The following ARHGEF18 variants were observed in gnomAD, a reference collection of about 807,000 sequenced individuals.
The protein encoded by ARHGEF18 is rho guanine nucleotide exchange factor 18.
Under a neutral mutation model 155.7 loss-of-function variants are expected in ARHGEF18, and 93 were observed. The observed-to-expected ratio is 0.60, with a 90% confidence interval of 0.50 to 0.71. The LOEUF (loss-of-function observed/expected upper bound fraction) is 0.71. ARHGEF18 is among the 30% of genes least tolerant of loss of function. The pLI, the probability that ARHGEF18 is intolerant of heterozygous loss-of-function variation, is 0.00. For synonymous variants in ARHGEF18, 742 were observed against 753.1 expected (o/e 0.99, Z 0.24); for missense variants, 1,593 against 1,816.1 (o/e 0.88, Z 2.23).
intron 10 of ARHGEF18, among the ~76,000 whole-genome samples, chr19:7,405,585 C>T (rs1972261867): frequency 6.6e-6 from 1 of 152,130 alleles, no homozygotes; most frequent in Admixed American, 6.6e-5. Flanking sequence ...CTATTTCTAG[C>T]GATTTGTAAA....
At chr19:7,449,692 T>A (rs1456039685) in intron 15 of ARHGEF18, among the ~76,000 whole-genome samples, 1 of 152,050 alleles carries the variant, frequency 6.6e-6, no homozygotes, top group Non-Finnish European at 1.5e-5. Flanking sequence ...TTTTATTTTT[T>A]TAGAGTCAGG....
chr19:7,356,305 C>T (rs1235218831), intron 1 of ARHGEF18, among the ~76,000 whole-genome samples: 50 of 136,192 alleles, frequency 3.7e-4, no homozygotes, highest in South Asian at 4.3e-4. Context: ...GAGTCTCATT[C>T]GGTCGCCGAG....
chr19:7,438,419 T>A (rs1414529501), intron 10 of ARHGEF18, among the ~76,000 whole-genome samples: 2 of 150,032 alleles, frequency 1.3e-5, no homozygotes, highest in Non-Finnish European at 3.0e-5. Context: ...TTTTTTTTTT[T>A]TTTATTTTTG....
At chr19:7,381,633 A>G (rs138949567) in intron 8 of ARHGEF18, among the ~76,000 whole-genome samples, 11,997 of 151,896 alleles carry the variant, frequency 0.079, 738 homozygotes, top group African/African-American at 0.17. Context: ...AGCCAAGATC[A>G]CGCCCTTGCA....
chr19:7,378,479 G>T, intron 6 of ARHGEF18, 28 bp downstream of exon 6: 1 of 1,233,620 alleles, frequency 8.1e-7, no homozygotes, highest in Non-Finnish European at 1.0e-6. Flanking sequence ...GGTGGGGGAG[G>T]GACCCCCAGG....
intron 1 of ARHGEF18, among the ~76,000 whole-genome samples, chr19:7,358,687 A>T (rs1969425286): frequency 6.6e-6 from 1 of 152,182 alleles, no homozygotes; most frequent in Non-Finnish European, 1.5e-5. Context: ...TTGAATTCAG[A>T]AACATCTGAA....
chr19:7,431,739 A>G (rs529435272), intron 10 of ARHGEF18, among the ~76,000 whole-genome samples: 23 of 152,060 alleles, frequency 1.5e-4, no homozygotes, highest in African/African-American at 4.3e-4. Context: ...GCTTGAACCC[A>G]GGAGGCGGAG....
rs1159186670 is a variant in ARHGEF18 at position 7,457,353 on chromosome 19, C to CTTTTTTTTTTTTTT, written c.2181+964_2181+977dup. Among the ~76,000 whole-genome samples the CTTTTTTTTTTTTTT allele has an allele frequency of 1.0e-4, 6 of 60,216 alleles. 1 individual carries two copies. The highest frequency in any genetic ancestry group is 4.9e-4 in the African/African-American group (6 of 12,320). 39.5% of individuals were successfully genotyped at this position (60,216 alleles called of 152,430 possible). On this transcript the variant is annotated intron_variant, in intron 18 of 28. Coordinates refer to ENST00000668164, the MANE Select transcript of ARHGEF18 (RefSeq NM_001367823.1). ...ATCTCATTTTGCCATAATCACCTCTCTTTTTTTTTTTTTTTTTTTTTTTTT... is the reference window on the plus strand; with the variant it reads ...ATCTCATTTTGCCATAATCACCTCTCTTTTTTTTTTTTTTTTTTTTTTTTTTTTTTTTTTTTTTT...
intron 1 of ARHGEF18, among the ~76,000 whole-genome samples, chr19:7,353,087 C>T (rs1356195567): frequency 1.3e-5 from 2 of 151,744 alleles, no homozygotes; most frequent in South Asian, 2.1e-4. Flanking sequence ...TTGCCCACCT[C>T]GGCTTCCCAA....
intron 1 of ARHGEF18, among the ~76,000 whole-genome samples, 162 bp from the exon 2 acceptor site, chr19:7,362,619 C>T (rs1049189153): frequency 5.9e-5 from 9 of 152,156 alleles, no homozygotes; most frequent in Non-Finnish European, 8.8e-5. Flanking sequence ...CGTATGTTGG[C>T]TTCAAGATCA....
chr19:7,380,551 G>T (rs1383668109), intron 7 of ARHGEF18, among the ~76,000 whole-genome samples: 1 of 151,946 alleles, frequency 6.6e-6, no homozygotes, highest in African/African-American at 2.4e-5. Context: ...AGGCATGGTG[G>T]CACATGCCTA....
At position 7,459,861 on chromosome 19, in the gene ARHGEF18, G is replaced by A. The variant is rs1976088014; in HGVS notation, c.2361-42G>A. The A allele has an allele frequency of 1.4e-5, 22 of 1,528,056 alleles. No individual in the cohort carries two copies. In the East Asian group the frequency reaches 5.4e-4, roughly 38 times the overall value. 94.7% of individuals were successfully genotyped at this position (1,528,056 alleles called of 1,614,324 possible). A position where few individuals can be genotyped will look rare whatever the true frequency, so the allele number is the denominator to read the frequency against. On this transcript the variant is annotated intron_variant, in intron 19 of 28. Coordinates refer to ENST00000668164, the MANE Select transcript of ARHGEF18 (RefSeq NM_001367823.1). ...CCAGCGTCTGTGCCGAGGCTGGCCT[G>A]CCTGGGAAGCACAGTTACCCACCCG...
At chr19:7,351,392 C>T (rs931773152) in intron 1 of ARHGEF18, among the ~76,000 whole-genome samples, 4 of 151,912 alleles carry the variant, frequency 2.6e-5, no homozygotes, top group Admixed American at 6.6e-5. Flanking sequence ...GGCACGATCT[C>T]GGCTCACTGC....
chr19:7,417,599 A>G (rs896827546), intron 10 of ARHGEF18, among the ~76,000 whole-genome samples: 1 of 152,196 alleles, frequency 6.6e-6, no homozygotes, highest in African/African-American at 2.4e-5. Context: ...CGGGAGACTG[A>G]GGCATGACAA....
Position 7,447,154 on chromosome 19 carries a change from C to G in ARHGEF18, c.1723C>G (p.Gln575Glu). Residue 575 changes from glutamine to glutamate, a missense_variant, in exon 15 of 29, where the codon CAA becomes GAA. By Grantham distance (29) the Gln-to-Glu change is conservative. Transcript: ENST00000668164. ...KLLLQQNKKFQNLIKKIGNFS... is the reference protein window; with the variant it reads ...KLLLQQNKKFENLIKKIGNFS... ...GCTGCTTCAGCAAAACAAGAAATTT[C>G]AAAACTTGATCAAGGTAAAAACAAT... The G allele has an allele frequency of 6.2e-7, 1 of 1,610,542 alleles. No homozygotes were observed. The highest frequency in any genetic ancestry group is 8.5e-7 in the Non-Finnish European group (1 of 1,178,918).
rs972065094 is a variant in ARHGEF18, at chr19:7,459,957, G to A, written c.2415G>A (p.Val805=). 1 of 1,591,274 alleles carries A rather than the reference G, an allele frequency of 6.3e-7. No individual in the cohort carries two copies. Among genetic ancestry groups the A allele is most frequent in the Non-Finnish European group, 8.6e-7 (1 of 1,168,854 alleles). The change falls in exon 20 of 29, where the codon GTG becomes GTA. Residue 805 remains valine (V), a synonymous_variant. Transcript: ENST00000668164. Reference sequence around the variant, plus strand: ...GCCTGCCCGAAGAGGAAAGGAAGGTGGTCGAGGCCCGCGCCACGAGACTCC... The same window carrying A: ...GCCTGCCCGAAGAGGAAAGGAAGGTAGTCGAGGCCCGCGCCACGAGACTCC... The part of the protein sequence containing the change: ...PFSLPEEERK[V]VEARATRLRD...
At chr19:7,414,111 T>A (rs12972008) in intron 10 of ARHGEF18, among the ~76,000 whole-genome samples, 31 of 151,862 alleles carry the variant, frequency 2.0e-4, no homozygotes, top group East Asian at 9.7e-4. Context: ...GGATGGGACC[T>A]ACCTGGGCAC....
At chr19:7,448,728 C>T (rs544008692) in intron 15 of ARHGEF18, among the ~76,000 whole-genome samples, 1 of 152,130 alleles carries the variant, frequency 6.6e-6, no homozygotes, top group African/African-American at 2.4e-5. Context: ...TCCATGTTCG[C>T]CCCCGGAGCG....
chr19:7,457,941 G>A (rs1975948892), intron 18 of ARHGEF18, among the ~76,000 whole-genome samples: 1 of 152,066 alleles, frequency 6.6e-6, no homozygotes, highest in African/African-American at 2.4e-5. Flanking sequence ...TCGTGTGTAT[G>A]TGCATTGCCG....
Sources: gnomAD v4.1 joint callset for allele counts (sites outside exome capture counted in the v4.1 genomes callset) on GRCh38, gnomAD v4.1.1 for gene constraint, MANE v1.5 for transcripts, NCBI Gene and HGNC (gene_info 2026-07-23, HGNC 2026-07-21) for gene names.